MYCBP2: variants seen among roughly 807,000 people sequenced by gnomAD.
MYCBP2 encodes the protein E3 ubiquitin-protein ligase MYCBP2.
MYCBP2 carries 120 observed loss-of-function variants against 525.3 expected under a neutral mutation model. The ratio of observed to expected loss-of-function variants is 0.23; its 90% CI spans 0.20 to 0.27. The LOEUF (loss-of-function observed/expected upper bound fraction) is 0.27, where lower values mean the gene tolerates loss of function less well. MYCBP2 is among the 10% of genes least tolerant of loss of function. The probability of loss-of-function intolerance (pLI) is 1.00; values close to 1 mark genes in which losing one functional copy is unlikely to be tolerated. For missense variants in MYCBP2, 4,149 were observed against 5,657.1 expected (o/e 0.73, Z 8.55); for synonymous variants, 1,894 against 1,955.8 (o/e 0.97, Z 0.83).
chr13:77,061,100 A>T, intron 76 of MYCBP2, 69 bp downstream of exon 76: 1 of 1,471,382 alleles, frequency 6.8e-7, no homozygotes, highest in South Asian at 1.4e-5. Flanking sequence ...TTCACAGTTT[A>T]ATCAGTTGGC....
chr13:77,153,184 G>A (rs1397808307), intron 46 of MYCBP2, among the ~76,000 whole-genome samples: 1 of 151,976 alleles, frequency 6.6e-6, no homozygotes, highest in Non-Finnish European at 1.5e-5. Context: ...CTGGGTGCAG[G>A]AACCCAAAAA....
chr13:77,166,873 C>T (rs2058580607), intron 40 of MYCBP2, among the ~76,000 whole-genome samples: 1 of 151,796 alleles, frequency 6.6e-6, no homozygotes, highest in South Asian at 2.1e-4. Context: ...AGTGTATATC[C>T]AATGAATGCA....
rs141978651 is a variant in MYCBP2, at chr13:77,061,902, G to A, written c.12775-112C>T. On this transcript the variant is annotated intron_variant, in intron 74 of 82. Coordinates refer to ENST00000544440, the MANE Select transcript of MYCBP2 (RefSeq NM_015057.5). Reference sequence around the variant, plus strand: ...AAACCGTTATTCGGAAGTCTATTAAGAATTTAGAATCTGAATATTAAACAG... The same window carrying A: ...AAACCGTTATTCGGAAGTCTATTAAAAATTTAGAATCTGAATATTAAACAG... The A allele has an allele frequency of 3.0e-4, 330 of 1,115,248 alleles. 2 individuals carry two copies. The African/African-American group carries it at 4.7e-3, about 16-fold the overall frequency. 69.1% of individuals were successfully genotyped at this position (1,115,248 alleles called of 1,614,324 possible).
chr13:77,087,355 A>G (rs1220683717), intron 62 of MYCBP2, 129 bp downstream of exon 62: 1 of 791,212 alleles, frequency 1.3e-6, no homozygotes, highest in African/African-American at 1.7e-5. Context: ...CTTTGCCCAT[A>G]GCACTAAAAT....
At position 77,091,511 on chromosome 13, in the gene MYCBP2, T is replaced by C. The variant is rs144508071; in HGVS notation, c.10368-1248A>G. 1.8e-3 allele frequency among the ~76,000 whole-genome samples: 276 copies of C among 152,234 alleles called. 1 individual carries two copies. The highest frequency in any genetic ancestry group is 6.2e-3 in the African/African-American group (259 of 41,564). ...AAGAAAGCAAAGATGACATCTTTAA[T>C]TGAATGGCTACCCTGAGCCAGGTAA... On this transcript the variant is annotated intron_variant, in intron 59 of 82. Transcript: ENST00000544440.
At chr13:77,149,379 T>G (rs2056121381) in intron 47 of MYCBP2, among the ~76,000 whole-genome samples, 1 of 152,034 alleles carries the variant, frequency 6.6e-6, no homozygotes, top group Non-Finnish European at 1.5e-5. Flanking sequence ...TCTGGGTGCT[T>G]GGAAATCTTT....
intron 52 of MYCBP2, among the ~76,000 whole-genome samples, 163 bp downstream of exon 52, chr13:77,139,033 A>T (rs1489389871): frequency 6.6e-6 from 1 of 152,216 alleles, no homozygotes; most frequent in Non-Finnish European, 1.5e-5. Context: ...ACCTTGCCAA[A>T]CTTCACTTTC....
At chr13:77,122,439 C>T (rs766787069) in intron 54 of MYCBP2, among the ~76,000 whole-genome samples, 49 of 152,084 alleles carry the variant, frequency 3.2e-4, no homozygotes, top group Middle Eastern at 3.4e-3. Flanking sequence ...CGGTGGCTTA[C>T]GCTTGTAATC....
At chr13:77,321,671 T>C (rs1043650938) in intron 1 of MYCBP2, among the ~76,000 whole-genome samples, 1 of 152,234 alleles carries the variant, frequency 6.6e-6, no homozygotes, top group African/African-American at 2.4e-5. Context: ...TGTGCTTTCC[T>C]GTCTCTGCTG....
intron 22 of MYCBP2, among the ~76,000 whole-genome samples, chr13:77,211,530 C>G (rs1400091142): frequency 2.6e-5 from 4 of 152,090 alleles, no homozygotes; most frequent in African/African-American, 9.7e-5. Context: ...TCTTGCTATA[C>G]CACTCTATTA....
Position 77,263,557 on chromosome 13 carries a change from A to G in MYCBP2, c.1570+94T>C, listed in dbSNP as rs1285417834. The G allele has an allele frequency of 2.9e-6, 3 of 1,050,076 alleles. No individual in the cohort carries two copies. In the African/African-American group the frequency reaches 4.8e-5, roughly 17 times the overall value. The allele number at this position is 1,050,076 out of a possible 1,614,324, so 65.0% of individuals were successfully genotyped here. A position where few individuals can be genotyped will look rare whatever the true frequency, so the allele number is the denominator to read the frequency against. Reference sequence around the variant, plus strand: ...ACAGACACAAAATAGCTGCTACAACATAAGCTGAACTGGTGAAAACACAAT... The same window carrying G: ...ACAGACACAAAATAGCTGCTACAACGTAAGCTGAACTGGTGAAAACACAAT... On this transcript the variant is annotated intron_variant, in intron 10 of 82. Transcript: ENST00000544440.
chr13:77,150,993 T>A, intron 46 of MYCBP2, 44 bp from the exon 47 acceptor site: 1 of 1,481,796 alleles, frequency 6.7e-7, no homozygotes, highest in Non-Finnish European at 9.4e-7. Flanking sequence ...ATTATTTAAT[T>A]GTCACTGACA....
intron 3 of MYCBP2, among the ~76,000 whole-genome samples, chr13:77,285,618 C>T (rs1283018692): frequency 2.0e-5 from 3 of 152,074 alleles, no homozygotes; most frequent in African/African-American, 7.2e-5. Context: ...GAAACCCCAT[C>T]TCTAATAAAA....
intron 55 of MYCBP2, among the ~76,000 whole-genome samples, chr13:77,104,284 G>GATGA (rs1488769016): frequency 6.6e-6 from 1 of 152,024 alleles, no homozygotes; most frequent in Non-Finnish European, 1.5e-5. Context: ...CAAGATTAAT[G>GATGA]ATGAATGACC....
chr13:77,134,717 C>G (rs539814305), intron 52 of MYCBP2, among the ~76,000 whole-genome samples: 1 of 152,152 alleles, frequency 6.6e-6, no homozygotes, highest in East Asian at 1.9e-4. Context: ...ATTTTGGAAA[C>G]GATACAGTCA....
chr13:77,118,069 A>C (rs2050083829), intron 55 of MYCBP2, among the ~76,000 whole-genome samples: 1 of 152,180 alleles, frequency 6.6e-6, no homozygotes, highest in African/African-American at 2.4e-5. Flanking sequence ...TCCTTTTGGG[A>C]CATCTTGAAG....
intron 1 of MYCBP2, among the ~76,000 whole-genome samples, chr13:77,307,984 C>T (rs1030819843): frequency 3.3e-5 from 5 of 152,134 alleles, no homozygotes; most frequent in African/African-American, 1.2e-4. Flanking sequence ...GAGCTATCTG[C>T]TCATGTTCTA....
At chr13:77,246,895 A>G (rs1225700510) in intron 15 of MYCBP2, among the ~76,000 whole-genome samples, 2 of 152,210 alleles carry the variant, frequency 1.3e-5, no homozygotes, top group Non-Finnish European at 2.9e-5. Context: ...TTGATGTACA[A>G]AAAGCATTTG....
chr13:77,242,914 C>T, intron 17 of MYCBP2, 145 bp downstream of exon 17: 1 of 636,680 alleles, frequency 1.6e-6, no homozygotes, highest in South Asian at 2.1e-5. Context: ...GAATATTTTC[C>T]CATTATATGA....
Sources: gnomAD v4.1 joint callset for allele counts (sites outside exome capture counted in the v4.1 genomes callset) on GRCh38, gnomAD v4.1.1 for gene constraint, MANE v1.5 for transcripts, NCBI Gene and HGNC (gene_info 2026-07-23, HGNC 2026-07-21) for gene names.